Variants in NCALD observed in about 807,000 individuals in gnomAD.
The protein encoded by NCALD is neurocalcin delta.
Under a neutral mutation model 18.6 loss-of-function variants are expected in NCALD, and 10 were observed. The ratio of observed to expected loss-of-function variants is 0.54; its 90% CI spans 0.33 to 0.91. The LOEUF (loss-of-function observed/expected upper bound fraction) is 0.91, where lower values mean the gene tolerates loss of function less well. NCALD is among the 40% of genes least tolerant of loss of function. NCALD has a pLI of 0.03. For missense variants in NCALD, 184 were observed against 247.6 expected (o/e 0.74, Z 1.72); for synonymous variants, 88 against 87.4 (o/e 1.01, Z -0.04).
At chr8:101,702,404 T>A (rs931839213) in intron 2 of NCALD, among the ~76,000 whole-genome samples, 1 of 151,998 alleles carries the variant, frequency 6.6e-6, no homozygotes, top group African/African-American at 2.4e-5. Context: ...CTGGGTAATT[T>A]TTTTTTGTAG....
At chr8:101,821,065 CA>C (rs1411135146) in intron 4 of NCALD, among the ~76,000 whole-genome samples, 2 of 152,186 alleles carry the variant, frequency 1.3e-5, no homozygotes, top group African/African-American at 2.4e-5. Context: ...CGCATATACA[CA>C]AGATTTGATT....
At chr8:101,733,670 T>C (rs1015413877) in intron 1 of NCALD, among the ~76,000 whole-genome samples, 9 of 152,094 alleles carry the variant, frequency 5.9e-5, no homozygotes, top group African/African-American at 2.2e-4. Flanking sequence ...TTGTTTTACT[T>C]CCACAGAGAA....
intron 2 of NCALD, among the ~76,000 whole-genome samples, chr8:101,988,154 C>CAAAAAAAA (rs141735735): frequency 9.3e-4 from 34 of 36,368 alleles, no homozygotes; most frequent in African/African-American, 2.0e-3. Flanking sequence ...GACTCCGTCT[C>CAAAAAAAA]AAAAAAAAAA....
chr8:101,704,964 G>C (rs1332250475), intron 2 of NCALD, among the ~76,000 whole-genome samples: 1 of 151,998 alleles, frequency 6.6e-6, no homozygotes, highest in Non-Finnish European at 1.5e-5. Flanking sequence ...GGTGGCTCAT[G>C]CCTGTAATCC....
At chr8:101,730,979 G>A (rs1816804525) in intron 1 of NCALD, among the ~76,000 whole-genome samples, 1 of 152,156 alleles carries the variant, frequency 6.6e-6, no homozygotes, top group South Asian at 2.1e-4. Context: ...AGAAGAGAAG[G>A]GAGTTGCAGA....
intron 4 of NCALD, among the ~76,000 whole-genome samples, chr8:101,878,978 C>T (rs763479941): frequency 2.6e-5 from 4 of 152,206 alleles, no homozygotes; most frequent in Non-Finnish European, 5.9e-5. Context: ...ATGTGGTCTA[C>T]GGATCAGTCT....
At position 102,096,519 on chromosome 8, in the gene NCALD, C is replaced by T. The variant is rs1321609447; in HGVS notation, c.-210+27718G>A. Among the ~76,000 whole-genome samples the T allele has an allele frequency of 2.0e-5, 3 of 152,228 alleles. No homozygotes were observed. The South Asian group carries it at 6.2e-4, about 32-fold the overall frequency. Reference sequence around the variant, plus strand: ...CAGAGACTACTCCCTTTGCAAACCCCCACCTTTTCTGCACAGCAGATGGGA... The same window carrying T: ...CAGAGACTACTCCCTTTGCAAACCCTCACCTTTTCTGCACAGCAGATGGGA... On this transcript the variant is annotated intron_variant, in intron 1 of 6. Transcript: ENST00000311028.
At position 101,686,784 on chromosome 8, in the gene NCALD, C is replaced by T. The variant is rs1284541656; in HGVS notation, c.*2525G>A. On this transcript the variant is annotated 3_prime_UTR_variant, in exon 4 of 4. Transcript: ENST00000220931. The stretch of plus-strand genomic sequence containing the variant: ...ATTCCAGTCCCTTGAACATCACAGG[C>T]TGGTTTTATTTGGGACAGAACAGGT... The T allele has an allele frequency of 6.6e-6, 1 of 152,656 alleles. No homozygotes were observed. The highest frequency in any genetic ancestry group is 2.4e-5 in the African/African-American group (1 of 41,420). The allele number at this position is 152,656 out of a possible 1,614,324, so 9.5% of individuals were successfully genotyped here.
chr8:102,095,354 T>A (rs746602495), intron 1 of NCALD, among the ~76,000 whole-genome samples: 9 of 152,166 alleles, frequency 5.9e-5, no homozygotes, highest in Non-Finnish European at 1.2e-4. Flanking sequence ...CGTGTTCTGA[T>A]GGTGAGGCAG....
chr8:101,864,165 A>G lies in NCALD; in HGVS notation c.-20+22976T>C, dbSNP rs192249733. Among the ~76,000 whole-genome samples the G allele has an allele frequency of 1.5e-4, 23 of 152,338 alleles. 1 individual carries two copies. Among genetic ancestry groups the G allele is most frequent in the Admixed American group, 1.4e-3 (21 of 15,300 alleles). On this transcript the variant is annotated intron_variant, in intron 4 of 6. Transcript: ENST00000311028. Reference sequence around the variant, plus strand: ...ATCAATCTATAAGACACTTAAAGCAAGTCTACTTCCTGCTATACGGTGGCT... The same window carrying G: ...ATCAATCTATAAGACACTTAAAGCAGGTCTACTTCCTGCTATACGGTGGCT...
At chr8:102,081,545 T>G (rs1335193308) in intron 1 of NCALD, among the ~76,000 whole-genome samples, 1 of 68,704 alleles carries the variant, frequency 1.5e-5, no homozygotes, top group Non-Finnish European at 2.5e-5. Flanking sequence ...CAAATAATGG[T>G]AAAAAAAAAA....
chr8:102,017,439 C>A (rs747657391), intron 2 of NCALD, among the ~76,000 whole-genome samples: 2 of 152,100 alleles, frequency 1.3e-5, no homozygotes, highest in African/African-American at 4.8e-5. Flanking sequence ...CCAGGCTGAG[C>A]GCGGTGGCTC....
chr8:101,985,160 A>G (rs910832397), intron 2 of NCALD, among the ~76,000 whole-genome samples: 4 of 152,320 alleles, frequency 2.6e-5, no homozygotes, highest in Non-Finnish European at 5.9e-5. Context: ...GGAAGCCAAC[A>G]AGCCATGGAG....
chr8:102,027,859 G>A (rs1822517051), intron 1 of NCALD, among the ~76,000 whole-genome samples: 1 of 152,180 alleles, frequency 6.6e-6, no homozygotes, highest in East Asian at 1.9e-4. Context: ...GGGGAAGTAT[G>A]AGCAAAAGGT....
At chr8:101,987,837 T>C (rs1393638098) in intron 2 of NCALD, among the ~76,000 whole-genome samples, 2 of 151,972 alleles carry the variant, frequency 1.3e-5, no homozygotes, top group Non-Finnish European at 2.9e-5. Flanking sequence ...CAAACTCACC[T>C]GGAAAAGGAA....
chr8:101,878,972 G>A lies in NCALD; in HGVS notation c.-20+8169C>T, dbSNP rs1586679946. 3.3e-5 allele frequency among the ~76,000 whole-genome samples: 5 copies of A among 152,172 alleles called. No individual in the cohort carries two copies. In the South Asian group the frequency reaches 8.3e-4, roughly 25 times the overall value. On this transcript the variant is annotated intron_variant, in intron 4 of 6. Coordinates refer to the NCALD transcript ENST00000311028. ...TCTAAGACAGCACCACTTAAAATGTGGTCTACGGATCAGTCTTATCAGACT... is the reference window on the plus strand; with the variant it reads ...TCTAAGACAGCACCACTTAAAATGTAGTCTACGGATCAGTCTTATCAGACT...
chr8:102,082,620 A>G (rs1257691413), intron 1 of NCALD, among the ~76,000 whole-genome samples: 1 of 152,192 alleles, frequency 6.6e-6, no homozygotes, highest in East Asian at 1.9e-4. Context: ...AACATTTGCA[A>G]TTACTATTTC....
At chr8:101,784,886 G>A (rs1235335313) in intron 1 of NCALD, among the ~76,000 whole-genome samples, 1 of 152,130 alleles carries the variant, frequency 6.6e-6, no homozygotes, top group Non-Finnish European at 1.5e-5. Flanking sequence ...CATTAATTCT[G>A]GGGAAAATAC....
At chr8:101,907,074 T>C (rs550852639) in intron 3 of NCALD, among the ~76,000 whole-genome samples, 6 of 152,340 alleles carry the variant, frequency 3.9e-5, no homozygotes, top group South Asian at 2.1e-4. Context: ...AAAATGTTGA[T>C]CTTTGTCCAT....
Sources: gnomAD v4.1 joint callset for allele counts (sites outside exome capture counted in the v4.1 genomes callset) on GRCh38, gnomAD v4.1.1 for gene constraint, MANE v1.5 for transcripts, NCBI Gene and HGNC (gene_info 2026-07-23, HGNC 2026-07-21) for gene names.